Variants in ANO6 observed in about 807,000 individuals in gnomAD.
ANO6 encodes the protein anoctamin 6.
ANO6 carries 106 observed loss-of-function variants against 117.5 expected under a neutral mutation model. The ratio of observed to expected loss-of-function variants is 0.90; its 90% CI spans 0.77 to 1.06. The LOEUF (loss-of-function observed/expected upper bound fraction) is 1.06. Ranked by LOEUF, ANO6 falls within the 50% of genes least tolerant of loss-of-function variation. The pLI is 0.00. For missense variants in ANO6, 955 were observed against 1,121.1 expected (o/e 0.85, Z 2.12); for synonymous variants, 367 against 385.1 (o/e 0.95, Z 0.55).
intron 1 of ANO6, among the ~76,000 whole-genome samples, chr12:45,264,636 GGTTA>G (rs1434210768): frequency 6.6e-6 from 1 of 152,054 alleles, no homozygotes. Flanking sequence ...TTTTACCAAT[GGTTA>G]GTTGGTGAAA....
intron 10 of ANO6, among the ~76,000 whole-genome samples, chr12:45,379,886 A>G (rs1942125621): frequency 6.6e-6 from 1 of 152,208 alleles, no homozygotes; most frequent in Non-Finnish European, 1.5e-5. Flanking sequence ...TTTTAAGGAT[A>G]TGTATGATAA....
chr12:45,217,776 A>G (rs1411604794), intron 1 of ANO6, among the ~76,000 whole-genome samples: 1 of 152,250 alleles, frequency 6.6e-6, no homozygotes, highest in Non-Finnish European at 1.5e-5. Context: ...TGATGATTAC[A>G]TAAAAATATA....
In ANO6 at chr12:45,322,135, A is replaced by C. The variant is rs1235505635; in HGVS notation, c.151-9160A>C. On this transcript the variant is annotated intron_variant, in intron 2 of 19. Transcript: ENST00000320560. ...TAGTATTATTATGAAAATGGTTTTG[A>C]TCTTGCAGGTTCCCCAGAGGTCTGT... Among the ~76,000 whole-genome samples, 3 of 152,060 alleles carry C rather than the reference A, an allele frequency of 2.0e-5. No individual in the cohort carries two copies. In the East Asian group the frequency reaches 5.8e-4, roughly 29 times the overall value.
At chr12:45,269,722 A>G (rs1938332673) in intron 1 of ANO6, among the ~76,000 whole-genome samples, 1 of 152,100 alleles carries the variant, frequency 6.6e-6, no homozygotes, top group African/African-American at 2.4e-5. Context: ...TTAAATTTAG[A>G]CCTGAGAGCA....
intron 12 of ANO6, among the ~76,000 whole-genome samples, chr12:45,395,947 T>C (rs951713249): frequency 6.6e-6 from 1 of 152,152 alleles, no homozygotes; most frequent in Admixed American, 6.5e-5. Flanking sequence ...AAGGATGCCC[T>C]CTCTCTCCAC....
chr12:45,219,260 G>A (rs1289684960), intron 1 of ANO6, among the ~76,000 whole-genome samples: 2 of 152,132 alleles, frequency 1.3e-5, no homozygotes, highest in Non-Finnish European at 2.9e-5. Context: ...ATATGGAAAT[G>A]TGCCCTCTAG....
At chr12:45,404,460 T>C (rs989520623) in intron 15 of ANO6, among the ~76,000 whole-genome samples, 5 of 152,140 alleles carry the variant, frequency 3.3e-5, no homozygotes, top group African/African-American at 7.2e-5. Context: ...TATTTTATGG[T>C]CCCGGGGGTC....
At chr12:45,251,823 T>TA (rs762449358) in intron 1 of ANO6, among the ~76,000 whole-genome samples, 7 of 152,184 alleles carry the variant, frequency 4.6e-5, no homozygotes, top group Non-Finnish European at 8.8e-5. Context: ...GTGGTAAACT[T>TA]ACTGTTTTAA....
At chr12:45,309,635 G>A (rs1471964794) in intron 2 of ANO6, among the ~76,000 whole-genome samples, 8 of 151,912 alleles carry the variant, frequency 5.3e-5, no homozygotes. Flanking sequence ...ATTGGTGTTA[G>A]GGCTATTGAA....
intron 2 of ANO6, among the ~76,000 whole-genome samples, chr12:45,311,812 G>A (rs1939859258): frequency 6.6e-6 from 1 of 152,038 alleles, no homozygotes; most frequent in African/African-American, 2.4e-5. Flanking sequence ...ATTTCTAATT[G>A]ATTAACTTGG....
intron 1 of ANO6, among the ~76,000 whole-genome samples, chr12:45,247,550 G>T (rs563366160): frequency 5.1e-4 from 78 of 152,302 alleles, no homozygotes; most frequent in African/African-American, 1.8e-3. Flanking sequence ...TAGTCGGCTA[G>T]GTCTGCCATA....
intron 1 of ANO6, among the ~76,000 whole-genome samples, chr12:45,248,545 TGCCTCA>T (rs1386100611): frequency 1.3e-5 from 2 of 150,644 alleles, no homozygotes; most frequent in Non-Finnish European, 2.9e-5. Flanking sequence ...ACAGTTCTCC[TGCCTCA>T]GCCTCCTGAG....
At chr12:45,309,545 G>C (rs1004451495) in intron 2 of ANO6, among the ~76,000 whole-genome samples, 14 of 151,916 alleles carry the variant, frequency 9.2e-5, no homozygotes, top group African/African-American at 3.1e-4. Flanking sequence ...TCTCAAAGTG[G>C]GTTCAAGGAT....
intron 1 of ANO6, among the ~76,000 whole-genome samples, chr12:45,272,412 A>C (rs1415337736): frequency 6.6e-6 from 1 of 152,170 alleles, no homozygotes; most frequent in African/African-American, 2.4e-5. Context: ...CTACCCTGCA[A>C]ATTAGGATTT....
chr12:45,323,479 A>G (rs1319036727), intron 2 of ANO6, among the ~76,000 whole-genome samples: 1 of 152,224 alleles, frequency 6.6e-6, no homozygotes, highest in Non-Finnish European at 1.5e-5. Context: ...AATGTACCCA[A>G]CACAGGTAGT....
At chr12:45,269,821 AGTTTTCTT>A (rs1938336205) in intron 1 of ANO6, among the ~76,000 whole-genome samples, 1 of 152,146 alleles carries the variant, frequency 6.6e-6, no homozygotes, top group African/African-American at 2.4e-5. Context: ...TTTGGCATTT[AGTTTTCTT>A]GTTAATTCAA....
intron 2 of ANO6, 31 bp downstream of exon 2, chr12:45,302,124 A>G: frequency 6.3e-7 from 1 of 1,592,132 alleles, no homozygotes; most frequent in African/African-American, 1.3e-5. Context: ...TTAAATTTGT[A>G]TTCTTAAGCT....
intron 6 of ANO6, among the ~76,000 whole-genome samples, chr12:45,350,332 A>C (rs73281508): frequency 0.013 from 2,029 of 152,120 alleles, 40 homozygotes; most frequent in African/African-American, 0.047. Context: ...TGATTTGGGC[A>C]CTTGGGTGGC....
intron 1 of ANO6, among the ~76,000 whole-genome samples, chr12:45,285,446 G>A (rs1368624735): frequency 6.6e-6 from 1 of 152,208 alleles, no homozygotes; most frequent in Non-Finnish European, 1.5e-5. Flanking sequence ...AAATGCTGCA[G>A]TAAAAAGGCT....
Sources: gnomAD v4.1 joint callset for allele counts (sites outside exome capture counted in the v4.1 genomes callset) on GRCh38, gnomAD v4.1.1 for gene constraint, MANE v1.5 for transcripts, NCBI Gene and HGNC (gene_info 2026-07-23, HGNC 2026-07-21) for gene names.